The following VPS13D variants were observed in gnomAD, a reference collection of about 807,000 sequenced individuals.
VPS13D encodes intermembrane lipid transfer protein VPS13D.
A neutral mutation model predicts 461.9 loss-of-function variants in VPS13D; 187 were observed. That is an observed-to-expected ratio of 0.40 (90% confidence interval 0.36 to 0.46). VPS13D has a LOEUF of 0.46. Ranked by LOEUF, VPS13D falls within the 20% of genes least tolerant of loss-of-function variation. VPS13D has a pLI of 0.60. For synonymous variants in VPS13D, 1,951 were observed against 1,986.3 expected, an observed-to-expected ratio of 0.98 and a Z score of 0.47; for missense variants, 4,711 against 5,364.9, an observed-to-expected ratio of 0.88 and a Z score of 3.81.
At chr1:12,501,159 G>A (rs558976408) in intron 68 of VPS13D, among the ~76,000 whole-genome samples, 3 of 152,074 alleles carry the variant, frequency 2.0e-5, no homozygotes, top group Admixed American at 6.5e-5. Context: ...TGCTGTTTAC[G>A]ATTTTTGTAT....
chr1:12,260,465 G>T (rs1641072870), intron 10 of VPS13D, among the ~76,000 whole-genome samples: 2 of 151,756 alleles, frequency 1.3e-5, no homozygotes, highest in South Asian at 4.2e-4. Context: ...AGAATTGTTG[G>T]TGATGTTTTT....
intron 36 of VPS13D, among the ~76,000 whole-genome samples, chr1:12,329,358 C>T (rs1000176391): frequency 3.3e-5 from 5 of 152,206 alleles, no homozygotes; most frequent in South Asian, 4.1e-4. Flanking sequence ...GGATTACAGG[C>T]GCCCGCTACC....
chr1:12,267,702 C>A, intron 14 of VPS13D, 143 bp from the exon 15 acceptor site: 1 of 746,514 alleles, frequency 1.3e-6, no homozygotes, highest in Non-Finnish European at 2.3e-6. Context: ...CGAAACAATT[C>A]TGCAAGTAGT....
intron 40 of VPS13D, among the ~76,000 whole-genome samples, chr1:12,339,240 A>G (rs1328846437): frequency 6.6e-6 from 1 of 152,312 alleles, no homozygotes; most frequent in East Asian, 1.9e-4. Flanking sequence ...AGGCTTAGCC[A>G]AGCATTATTC....
chr1:12,288,872 C>T (rs1642048536), intron 22 of VPS13D, among the ~76,000 whole-genome samples: 1 of 152,070 alleles, frequency 6.6e-6, no homozygotes. Context: ...GACAGGATCT[C>T]GCTTGGTTGC....
chr1:12,312,902 G>A (rs1292910525), intron 29 of VPS13D, among the ~76,000 whole-genome samples: 3 of 152,202 alleles, frequency 2.0e-5, no homozygotes, highest in Admixed American at 6.5e-5. Flanking sequence ...TTGAAATGGG[G>A]CATATGCTTA....
At chr1:12,488,746 G>C (rs931317935) in intron 67 of VPS13D, among the ~76,000 whole-genome samples, 1 of 150,986 alleles carries the variant, frequency 6.6e-6, no homozygotes, top group Non-Finnish European at 1.5e-5. Context: ...ATTAGCATGC[G>C]TACTTAATAG....
At chr1:12,307,039 C>G (rs190029806) in intron 26 of VPS13D, among the ~76,000 whole-genome samples, 2 of 152,172 alleles carry the variant, frequency 1.3e-5, no homozygotes, top group South Asian at 2.1e-4. Context: ...TTCCTTACCC[C>G]CTTCTAGCAG....
At chr1:12,397,836 A>G (rs1301626373) in intron 60 of VPS13D, among the ~76,000 whole-genome samples, 1 of 152,200 alleles carries the variant, frequency 6.6e-6, no homozygotes, top group African/African-American at 2.4e-5. Context: ...AACCATAGAG[A>G]TGGTCACTAG....
chr1:12,485,613 C>T (rs1645787441), intron 67 of VPS13D, among the ~76,000 whole-genome samples: 1 of 152,170 alleles, frequency 6.6e-6, no homozygotes, highest in African/African-American at 2.4e-5. Flanking sequence ...TTATTATTTA[C>T]AGAATGTAAC....
intron 37 of VPS13D, among the ~76,000 whole-genome samples, chr1:12,331,624 A>G (rs943759263): frequency 2.6e-5 from 4 of 151,238 alleles, no homozygotes; most frequent in African/African-American, 9.7e-5. Context: ...AGGCAGGAGA[A>G]CGGTGTGAAC....
At chr1:12,248,914 A>G (rs530396497) in intron 5 of VPS13D, among the ~76,000 whole-genome samples, 1 of 152,290 alleles carries the variant, frequency 6.6e-6, no homozygotes, top group Non-Finnish European at 1.5e-5. Flanking sequence ...TTTTGGTAAA[A>G]CTAATCACAA....
In VPS13D at chr1:12,358,615, G is replaced by C; in HGVS notation, c.10141+14G>C. On this transcript the variant is annotated intron_variant, in intron 50 of 69. Coordinates refer to ENST00000620676, the MANE Select transcript of VPS13D (RefSeq NM_015378.4). Reference sequence around the variant, plus strand: ...TCTATAACATTGGTGGGTTACATTTGGGGCAGCGGGACAATCAGAACCATT... The same window carrying C: ...TCTATAACATTGGTGGGTTACATTTCGGGCAGCGGGACAATCAGAACCATT... 1 of 1,613,284 alleles carries C rather than the reference G, an allele frequency of 6.2e-7. No individual in the cohort carries two copies. The highest frequency in any genetic ancestry group is 8.5e-7 in the Non-Finnish European group (1 of 1,179,540).
chr1:12,233,116 C>T (rs913744751), intron 1 of VPS13D, among the ~76,000 whole-genome samples: 2 of 152,012 alleles, frequency 1.3e-5, no homozygotes, highest in Non-Finnish European at 2.9e-5. Context: ...AGGGATTCTC[C>T]TGCCTCAGCC....
Position 12,443,704 on chromosome 1 carries a change from C to T in VPS13D, c.12334-12294C>T, listed in dbSNP as rs570686760. Among the ~76,000 whole-genome samples the T allele has an allele frequency of 2.6e-5, 4 of 151,980 alleles. No individual in the cohort carries two copies. The East Asian group carries it at 7.7e-4, about 29-fold the overall frequency. On this transcript the variant is annotated intron_variant, in intron 65 of 69. Transcript: ENST00000620676. ...TTTTTTGGCTTAAATAATTGATATC[C>T]GTTAGATCTCTACACATATTTATCC...
Position 12,403,888 on chromosome 1 carries a change from G to A in VPS13D, c.11945G>A (p.Arg3982Gln), listed in dbSNP as rs1395799832. Residue 3982 changes from arginine (R) to glutamine (Q), a missense_variant, in exon 63 of 70, where the codon CGA becomes CAA. Transcript: ENST00000620676. Reference sequence around the variant, plus strand: ...GCTGAGCAAGGTGGAACACCAATTCGATACTACTTTGAAAATCTCAAAATC... The same window carrying A: ...GCTGAGCAAGGTGGAACACCAATTCAATACTACTTTGAAAATCTCAAAATC... ...KTAEQGGTPI[R>Q]YYFENLKISI... 1.9e-6 allele frequency: 3 copies of A among 1,612,980 alleles called. No individual in the cohort carries two copies. Among genetic ancestry groups the A allele is most frequent in the African/African-American group, 1.3e-5 (1 of 74,822 alleles).
intron 30 of VPS13D, 89 bp from the exon 31 acceptor site, chr1:12,317,982 AC>A (rs1642934392): frequency 2.9e-6 from 4 of 1,373,362 alleles, no homozygotes; most frequent in East Asian, 2.3e-5. Flanking sequence ...CCGGAATACC[AC>A]CTGCCAAAAC....
chr1:12,479,456 T>C (rs1285027067), intron 67 of VPS13D, among the ~76,000 whole-genome samples: 2 of 152,234 alleles, frequency 1.3e-5, no homozygotes, highest in Non-Finnish European at 2.9e-5. Flanking sequence ...CAGAAATTGA[T>C]CCAAAACATT....
Position 12,502,729 on chromosome 1 carries a change from G to A in VPS13D, c.12795-4124G>A, listed in dbSNP as rs1646051893. Among the ~76,000 whole-genome samples the A allele has an allele frequency of 6.6e-6, 1 of 152,044 alleles. No individual in the cohort carries two copies. Among genetic ancestry groups the A allele is most frequent in the Non-Finnish European group, 1.5e-5 (1 of 68,010 alleles). ...TTTCTCCCTGAGAGAAGCTGGTCAT[G>A]AGTCTGTTTTCCATGTGGCCTTCTA... On this transcript the variant is annotated intron_variant, in intron 68 of 69. Coordinates refer to ENST00000620676, the MANE Select transcript of VPS13D (RefSeq NM_015378.4). This position sits in a 1 kb window ranked among gnomAD's most constrained non-coding sequence, Gnocchi z 4.3.
Sources: gnomAD v4.1 joint callset for allele counts (sites outside exome capture counted in the v4.1 genomes callset) on GRCh38, gnomAD v4.1.1 for gene constraint, Gnocchi (gnomAD v3.1) non-coding constraint, MANE v1.5 for transcripts, NCBI Gene and HGNC (gene_info 2026-07-23, HGNC 2026-07-21) for gene names.